The following FMN2 variants were observed in gnomAD, a reference collection of about 807,000 sequenced individuals.
FMN2 encodes formin 2, also known as formin-2.
FMN2 carries 51 observed loss-of-function variants against 142.3 expected under a neutral mutation model. The ratio of observed to expected loss-of-function variants is 0.36; its 90% CI spans 0.29 to 0.45. The LOEUF (loss-of-function observed/expected upper bound fraction) is 0.45. Among genes scored for constraint, FMN2 ranks in the 20% least tolerant of loss-of-function variants. The probability of loss-of-function intolerance (pLI) is 1.00; values close to 1 mark genes in which losing one functional copy is unlikely to be tolerated. For synonymous variants in FMN2, 882 were observed against 869.8 expected, an observed-to-expected ratio of 1.01 and a Z score of -0.25; for missense variants, 1,936 against 2,122.8, an observed-to-expected ratio of 0.91 and a Z score of 1.73.
At chr1:240,454,990 G>A (rs1676191191) in intron 16 of FMN2, among the ~76,000 whole-genome samples, 2 of 151,976 alleles carry the variant, frequency 1.3e-5, no homozygotes, top group South Asian at 4.2e-4. Flanking sequence ...ATGGTATTAT[G>A]AGGAAAGCTT....
rs148757660 is a variant in FMN2, at chr1:240,207,014, G to A, written c.2202G>A (p.Arg734=). ...EALRLEEKEV[R]HHRILEAKSI... ...TCAGGTTAGAAGAAAAGGAAGTACG[G>A]CATCATAGGATTTTAGAGGCGAAAT... The change falls in exon 5 of 18, where the codon CGG becomes CGA. Residue 734 remains arginine (R), a synonymous_variant. Transcript: ENST00000319653. 3.0e-5 allele frequency: 49 copies of A among 1,614,162 alleles called. No homozygotes were observed. The East Asian group carries it at 1.1e-3, about 36-fold the overall frequency.
chr1:240,294,741 C>T (rs1410656388), intron 7 of FMN2, 81 bp from the exon 8 acceptor site: 13 of 1,288,158 alleles, frequency 1.0e-5, no homozygotes, highest in African/African-American at 8.8e-5. Flanking sequence ...GCTGCTGAGC[C>T]GTGAGCCTGC....
intron 16 of FMN2, among the ~76,000 whole-genome samples, chr1:240,449,439 G>C (rs1360083946): frequency 1.3e-5 from 2 of 152,242 alleles, no homozygotes; most frequent in African/African-American, 2.4e-5. Flanking sequence ...GAAGAATTTT[G>C]AGCCCGTGGA....
intron 2 of FMN2, among the ~76,000 whole-genome samples, chr1:240,165,381 A>G (rs1664438363): frequency 1.3e-5 from 2 of 152,042 alleles, no homozygotes; most frequent in South Asian, 2.1e-4. Context: ...TCTCTGTGTT[A>G]TCTAGGCTGG....
chr1:240,468,836 T>C (rs976514627), intron 16 of FMN2, among the ~76,000 whole-genome samples: 1 of 152,126 alleles, frequency 6.6e-6, no homozygotes, highest in African/African-American at 2.4e-5. Flanking sequence ...GAAGATCGAA[T>C]GTTGGCAGCT....
intron 15 of FMN2, among the ~76,000 whole-genome samples, chr1:240,430,897 T>C (rs1188157352): frequency 6.7e-6 from 1 of 150,254 alleles, no homozygotes; most frequent in Non-Finnish European, 1.5e-5. Flanking sequence ...ACCTATGTTC[T>C]TTTTTTTAAA....
intron 2 of FMN2, among the ~76,000 whole-genome samples, chr1:240,163,816 T>C (rs1356074165): frequency 1.3e-4 from 20 of 151,998 alleles, no homozygotes; most frequent in Admixed American, 1.2e-3. Flanking sequence ...TACTATTTAA[T>C]TGTTCTCTCT....
At chr1:240,138,277 G>C (rs968090869) in intron 2 of FMN2, among the ~76,000 whole-genome samples, 2 of 151,978 alleles carry the variant, frequency 1.3e-5, no homozygotes, top group Non-Finnish European at 2.9e-5. Flanking sequence ...AGTAGGGACT[G>C]AGGGGTGTGC....
chr1:240,208,081 C>G lies in FMN2; in HGVS notation c.3269C>G (p.Pro1090Arg), dbSNP rs748542138. ...LPGAGIPPPPPLPGAGIPPPP... is the reference protein window; with the variant it reads ...LPGAGIPPPPRLPGAGIPPPP... ...GGAGCGGGCATACCCCCACCTCCCC[C>G]TCTACCCGGAGCGGGCATACCCCCT... Residue 1090 changes from proline to arginine, a missense_variant, in exon 5 of 18, where the codon CCT (proline) becomes CGT (arginine). By Grantham distance (103) the Pro-to-Arg change is moderately radical. Coordinates refer to ENST00000319653, the MANE Select transcript of FMN2 (RefSeq NM_020066.5). 11 of 802,360 alleles carry G rather than the reference C, an allele frequency of 1.4e-5. 1 individual carries two copies. The highest frequency in any genetic ancestry group is 2.2e-5 in the Non-Finnish European group (11 of 497,502). The allele number at this position is 802,360 out of a possible 1,614,324, so 49.7% of individuals were successfully genotyped here.
At chr1:240,268,881 T>C (rs1414401494) in intron 7 of FMN2, among the ~76,000 whole-genome samples, 1 of 152,062 alleles carries the variant, frequency 6.6e-6, no homozygotes, top group Non-Finnish European at 1.5e-5. Context: ...TTTGCCCATT[T>C]TCAATAGGGT....
intron 2 of FMN2, among the ~76,000 whole-genome samples, chr1:240,135,913 A>G (rs1183073677): frequency 2.6e-5 from 4 of 151,466 alleles, no homozygotes; most frequent in African/African-American, 9.7e-5. Flanking sequence ...TCCTGACCTT[A>G]GGTGATCTGC....
At chr1:240,413,120 CAAAAAA>C (rs35590068) in intron 15 of FMN2, among the ~76,000 whole-genome samples, 281 of 24,576 alleles carry the variant, frequency 0.011, 5 homozygotes, top group Middle Eastern at 0.033. Context: ...GAGACTCTGT[CAAAAAA>C]AAAAAAAAAA....
intron 15 of FMN2, among the ~76,000 whole-genome samples, chr1:240,406,589 G>T (rs1301921394): frequency 2.6e-5 from 4 of 152,140 alleles, no homozygotes; most frequent in South Asian, 2.1e-4. Context: ...GCAATGGAAC[G>T]GTGCGTGGCT....
intron 14 of FMN2, among the ~76,000 whole-genome samples, chr1:240,363,924 C>T (rs958039152): frequency 1.3e-5 from 2 of 151,998 alleles, no homozygotes; most frequent in African/African-American, 4.8e-5. Flanking sequence ...GCCTCTGCCA[C>T]TTTGTGTGGG....
At chr1:240,113,514 C>T (rs765727534) in intron 1 of FMN2, among the ~76,000 whole-genome samples, 1 of 134,502 alleles carries the variant, frequency 7.4e-6, no homozygotes, top group Admixed American at 8.8e-5. Context: ...GCCGAGATCA[C>T]GACACTGCAC....
chr1:240,093,427 A>G lies in FMN2; in HGVS notation c.1318A>G (p.Ser440Gly). The G allele has an allele frequency of 6.2e-7, 1 of 1,613,444 alleles. No homozygotes were observed. Among genetic ancestry groups the G allele is most frequent in the South Asian group, 1.1e-5 (1 of 91,036 alleles). Residue 440 changes from serine to glycine, a missense_variant, in exon 1 of 18, where the codon AGC (serine) becomes GGC (glycine). Physicochemically the swap from Ser to Gly is moderately conservative, Grantham distance 56. Transcript: ENST00000319653. ...CTCCCCGTCTCAGTCCCCTAATCAG[A>G]GCCCCAGGATCAAGAGGCGGCCGGA... ...NHSPSQSPNQ[S>G]PRIKRRPEPS...
At chr1:240,179,805 G>T (rs571176550) in intron 3 of FMN2, among the ~76,000 whole-genome samples, 3 of 152,140 alleles carry the variant, frequency 2.0e-5, no homozygotes, top group Admixed American at 6.5e-5. Context: ...TGCATGGAGA[G>T]CCCTTTTATC....
chr1:240,396,303 C>CGTGTGTGTGT lies in FMN2; in HGVS notation c.4910+3774_4910+3783dup, dbSNP rs57641655. On this transcript the variant is annotated intron_variant, in intron 15 of 17. Coordinates refer to ENST00000319653, the MANE Select transcript of FMN2 (RefSeq NM_020066.5). Reference sequence around the variant, plus strand: ...AAACCCACAATATCTCCGAGGTTTTCGTGTGTGTGTGTGTGTGTGTGTGTG... The same window carrying CGTGTGTGTGT: ...AAACCCACAATATCTCCGAGGTTTTCGTGTGTGTGTGTGTGTGTGTGTGTGTGTGTGTGTG... Among the ~76,000 whole-genome samples, 118 of 142,822 alleles carry CGTGTGTGTGT rather than the reference C, an allele frequency of 8.3e-4. 1 individual carries two copies. The highest frequency in any genetic ancestry group is 2.3e-3 in the South Asian group (10 of 4,270). The allele number at this position is 142,822 out of a possible 152,430, so 93.7% of individuals were successfully genotyped here.
chr1:240,184,774 G>T (rs1338447816), intron 3 of FMN2, among the ~76,000 whole-genome samples: 1 of 151,846 alleles, frequency 6.6e-6, no homozygotes, highest in Non-Finnish European at 1.5e-5. Flanking sequence ...AGTTCCGGGA[G>T]TGATCACTTT....
Sources: allele counts gnomAD v4.1 joint callset (sites outside exome capture counted in the v4.1 genomes callset), GRCh38; gene constraint gnomAD v4.1.1; transcripts MANE v1.5; gene names NCBI Gene and HGNC (gene_info 2026-07-23, HGNC 2026-07-21).